TENM2: variants seen among roughly 807,000 people sequenced by gnomAD.
TENM2 encodes the protein teneurin transmembrane protein 2.
Under a neutral mutation model 245.2 loss-of-function variants are expected in TENM2, and 52 were observed. The ratio of observed to expected loss-of-function variants is 0.21; its 90% CI spans 0.17 to 0.27. The LOEUF (loss-of-function observed/expected upper bound fraction) is 0.27. Ranked by LOEUF, TENM2 falls within the 10% of genes least tolerant of loss-of-function variation. The probability of loss-of-function intolerance (pLI) is 1.00; values close to 1 mark genes in which losing one functional copy is unlikely to be tolerated. For synonymous variants in TENM2, 1,363 were observed against 1,438.9 expected (o/e 0.95, Z 1.19); for missense variants, 3,046 against 3,666.8 (o/e 0.83, Z 4.37).
At chr5:167,769,142 C>T (rs543673055) in intron 2 of TENM2, among the ~76,000 whole-genome samples, 10 of 152,304 alleles carry the variant, frequency 6.6e-5, no homozygotes, top group South Asian at 6.2e-4. Flanking sequence ...ACATCTCTGT[C>T]ATGGGGCAGC....
chr5:167,717,954 C>G (rs755329675), intron 2 of TENM2, among the ~76,000 whole-genome samples: 4 of 152,144 alleles, frequency 2.6e-5, no homozygotes, highest in Non-Finnish European at 5.9e-5. Context: ...CCTGACTTCT[C>G]TTTTGAGATT....
the TENM2 span, among the ~76,000 whole-genome samples, chr5:167,269,005 T>C: frequency 6.6e-6 from 1 of 152,116 alleles, no homozygotes; most frequent in Non-Finnish European, 1.5e-5. Context: ...ACACTCTGAG[T>C]ATTATTTTAA....
chr5:167,742,684 T>TTAGAA (rs748097570), intron 2 of TENM2, among the ~76,000 whole-genome samples: 17 of 151,870 alleles, frequency 1.1e-4, no homozygotes, highest in Non-Finnish European at 1.9e-4. Context: ...ATCTGGATCA[T>TTAGAA]TAGAATATAA....
chr5:168,148,120 C>T (rs186974503), intron 12 of TENM2, among the ~76,000 whole-genome samples: 67 of 152,318 alleles, frequency 4.4e-4, no homozygotes, highest in Non-Finnish European at 6.5e-4. Flanking sequence ...CGTGTGGAAA[C>T]TGCAGGTTAG....
the TENM2 span, among the ~76,000 whole-genome samples, chr5:167,191,849 C>A: frequency 2.0e-5 from 3 of 151,956 alleles, no homozygotes; most frequent in Non-Finnish European, 1.5e-5. Context: ...GTTAAAAATT[C>A]TCTTACTCCA....
chr5:167,769,795 A>G (rs935486861), intron 2 of TENM2, among the ~76,000 whole-genome samples: 2 of 152,172 alleles, frequency 1.3e-5, no homozygotes, highest in African/African-American at 4.8e-5. Context: ...GCTATTGCCT[A>G]TGAATACAAG....
At chr5:167,357,344 G>A (rs973450611) in intron 1 of TENM2, among the ~76,000 whole-genome samples, 3 of 145,726 alleles carry the variant, frequency 2.1e-5, no homozygotes, top group African/African-American at 2.6e-5. Context: ...GTTCAGTGGC[G>A]CAATCTCAGC....
intron 20 of TENM2, among the ~76,000 whole-genome samples, chr5:168,212,401 T>C (rs1293201580): frequency 6.6e-6 from 1 of 152,212 alleles, no homozygotes. Flanking sequence ...AAAACACACA[T>C]ACACGTGCAT....
intron 2 of TENM2, among the ~76,000 whole-genome samples, chr5:167,514,910 C>T (rs2127574139): frequency 6.6e-6 from 1 of 152,214 alleles, no homozygotes; most frequent in East Asian, 1.9e-4. Context: ...ACTTGGGAGG[C>T]TGAGGCAGGA....
intron 2 of TENM2, among the ~76,000 whole-genome samples, chr5:167,396,673 G>A (rs2127376577): frequency 6.6e-6 from 1 of 152,230 alleles, no homozygotes; most frequent in South Asian, 2.1e-4. Flanking sequence ...AGGAAAAACT[G>A]CCACCACCTG....
chr5:168,149,162 G>C (rs762935525), intron 12 of TENM2, among the ~76,000 whole-genome samples: 1 of 152,168 alleles, frequency 6.6e-6, no homozygotes, highest in East Asian at 1.9e-4. Flanking sequence ...TGCTGGAGCT[G>C]TTCATATGAG....
At chr5:167,102,611 C>G in the TENM2 span, among the ~76,000 whole-genome samples, 4 of 152,202 alleles carry the variant, frequency 2.6e-5, no homozygotes, top group Non-Finnish European at 2.9e-5. Flanking sequence ...GAGACTGTGT[C>G]TCTCTGGGGA....
At chr5:167,223,581 C>T in the TENM2 span, among the ~76,000 whole-genome samples, 1 of 151,982 alleles carries the variant, frequency 6.6e-6, no homozygotes, top group East Asian at 1.9e-4. Flanking sequence ...TTTTCTTTAC[C>T]TATTTATCCA....
At chr5:167,489,021 A>G (rs997269070) in intron 2 of TENM2, among the ~76,000 whole-genome samples, 1 of 152,118 alleles carries the variant, frequency 6.6e-6, no homozygotes, top group Non-Finnish European at 1.5e-5. Flanking sequence ...TAACCTAACT[A>G]CCGCTGCCAC....
At chr5:168,149,467 T>C (rs1224072159) in intron 12 of TENM2, 1 of 455,628 alleles carries the variant, frequency 2.2e-6, no homozygotes, top group Non-Finnish European at 4.4e-6. Context: ...TGTCTAATTG[T>C]CTGCTTTTGT....
At chr5:167,296,942 C>T (rs1225926555) in intron 1 of TENM2, among the ~76,000 whole-genome samples, 1 of 152,202 alleles carries the variant, frequency 6.6e-6, no homozygotes, top group East Asian at 1.9e-4. Flanking sequence ...CCAGTGGTGA[C>T]TCATTGGACT....
intron 2 of TENM2, among the ~76,000 whole-genome samples, chr5:167,415,081 G>A (rs1022282235): frequency 6.6e-5 from 10 of 152,078 alleles, no homozygotes; most frequent in Non-Finnish European, 1.2e-4. Flanking sequence ...AATTTTGCCA[G>A]GACTCAGAGA....
chr5:168,239,722 C>T (rs1458428785), intron 25 of TENM2, among the ~76,000 whole-genome samples: 1 of 152,178 alleles, frequency 6.6e-6, no homozygotes, highest in Non-Finnish European at 1.5e-5. Flanking sequence ...ATATTATTTA[C>T]ATGTTGGTCT....
chr5:167,447,436 G>A (rs1031219658), intron 2 of TENM2, among the ~76,000 whole-genome samples: 49 of 152,244 alleles, frequency 3.2e-4, no homozygotes, highest in African/African-American at 1.0e-3. Flanking sequence ...GGTTTTGTTC[G>A]TTTGTTTCTC....
Sources: allele counts gnomAD v4.1 joint callset (sites outside exome capture counted in the v4.1 genomes callset), GRCh38; gene constraint gnomAD v4.1.1; transcripts MANE v1.5; gene names NCBI Gene and HGNC (gene_info 2026-07-23, HGNC 2026-07-21).